RSPH14: variants seen among roughly 807,000 people sequenced by gnomAD.
RSPH14 encodes radial spoke head 14 homolog.
A neutral mutation model predicts 26.7 loss-of-function variants in RSPH14; 20 were observed. The ratio of observed to expected loss-of-function variants is 0.75; its 90% CI spans 0.53 to 1.09. The LOEUF (loss-of-function observed/expected upper bound fraction) is 1.09, where lower values mean the gene tolerates loss of function less well. RSPH14 is among the 50% of genes least tolerant of loss of function. The pLI is 0.00. For synonymous variants in RSPH14, 177 were observed against 189.3 expected, an observed-to-expected ratio of 0.93 and a Z score of 0.53; for missense variants, 449 against 457.2, an observed-to-expected ratio of 0.98 and a Z score of 0.16.
intron 4 of RSPH14, among the ~76,000 whole-genome samples, chr22:23,125,868 C>A (rs1426232097): frequency 6.6e-6 from 1 of 152,086 alleles, no homozygotes; most frequent in Non-Finnish European, 1.5e-5. Flanking sequence ...GCAGCCTCCT[C>A]CTCAAAGCAG....
intron 4 of RSPH14, among the ~76,000 whole-genome samples, chr22:23,091,977 C>A (rs772954733): frequency 6.6e-6 from 1 of 152,196 alleles, no homozygotes; most frequent in South Asian, 2.1e-4. Context: ...GGCCTTACAG[C>A]ATGTTCCTCC....
intron 2 of RSPH14, among the ~76,000 whole-genome samples, chr22:23,139,948 T>C (rs1341407478): frequency 3.3e-5 from 5 of 152,194 alleles, no homozygotes; most frequent in Non-Finnish European, 7.4e-5. Context: ...GTAGTCCTAG[T>C]TACTCAGGAA....
At chr22:23,097,482 C>T (rs1225509656) in intron 4 of RSPH14, among the ~76,000 whole-genome samples, 4 of 152,212 alleles carry the variant, frequency 2.6e-5, no homozygotes, top group Non-Finnish European at 4.4e-5. Context: ...GCTGGGGAGG[C>T]GGGCTTGCCT....
chr22:23,061,728 C>A (rs994185071), intron 6 of RSPH14, 81 bp downstream of exon 6: 181 of 1,552,270 alleles, frequency 1.2e-4, no homozygotes, highest in Non-Finnish European at 1.5e-4. Flanking sequence ...GGGACGATAC[C>A]CAGCCCCTGA....
the RSPH14 span, among the ~76,000 whole-genome samples, chr22:23,165,918 G>A: frequency 5.6e-4 from 85 of 152,222 alleles, no homozygotes; most frequent in Admixed American, 1.8e-3. Flanking sequence ...AGGCCAAGGC[G>A]GGCGGATCAC....
chr22:23,175,277 C>T, the RSPH14 span, among the ~76,000 whole-genome samples: 2 of 152,000 alleles, frequency 1.3e-5, no homozygotes, highest in Non-Finnish European at 2.9e-5. Context: ...GGATTACAGG[C>T]GTCAGCCACG....
At chr22:23,135,264 G>A (rs1015403575) in intron 3 of RSPH14, among the ~76,000 whole-genome samples, 22 of 147,722 alleles carry the variant, frequency 1.5e-4, no homozygotes, top group Non-Finnish European at 2.2e-4. Context: ...ACTAGGTCAG[G>A]AGATCGAGAC....
rs374399254 is a variant in RSPH14 at position 23,064,033 on chromosome 22, T to G, written c.522A>C (p.Thr174=). 2.5e-6 allele frequency: 4 copies of G among 1,614,166 alleles called. No homozygotes were observed. The highest frequency in any genetic ancestry group is 3.3e-4 in the Middle Eastern group (2 of 6,062). The change falls in exon 5 of 7, where the codon ACA becomes ACC. Residue 174 remains threonine (T), a synonymous_variant. Coordinates refer to ENST00000216036, the MANE Select transcript of RSPH14 (RefSeq NM_014433.3). ...EEEFQEFILD[T]LVLCLQEDAT... ...CATCCTCCTGCAGGCAGAGGACCAG[T>G]GTGTCCAGGATGAACTCCTGGAACT...
the RSPH14 span, among the ~76,000 whole-genome samples, chr22:23,176,803 T>C: frequency 6.6e-6 from 1 of 152,134 alleles, no homozygotes; most frequent in Non-Finnish European, 1.5e-5. Context: ...CAACCTTCCA[T>C]GCAACAGACC....
intron 4 of RSPH14, 57 bp downstream of exon 4, chr22:23,133,969 G>A (rs1172195776): frequency 8.1e-7 from 1 of 1,231,068 alleles, no homozygotes; most frequent in South Asian, 1.2e-5. Flanking sequence ...GACCTGGAGA[G>A]GAGACCGACG....
chr22:23,082,173 T>C (rs986335614), intron 4 of RSPH14, among the ~76,000 whole-genome samples: 1 of 151,584 alleles, frequency 6.6e-6, no homozygotes, highest in Non-Finnish European at 1.5e-5. Context: ...TGTGTAATAA[T>C]GTCGGAATCT....
the RSPH14 span, among the ~76,000 whole-genome samples, chr22:23,160,271 C>T: frequency 0.8 from 121,055 of 152,138 alleles, 48,443 homozygotes; most frequent in East Asian, 0.99. Context: ...CCCTTCCTCC[C>T]TTATCAGAGT....
Position 23,071,116 on chromosome 22 carries a change from G to A in RSPH14, c.422-6983C>T, listed in dbSNP as rs2068359821. ...TCGGTCACTGCTCTTGCAGCGAGCA[G>A]GTTCCTCACAGGCATTTAGAGGAAG... On this transcript the variant is annotated intron_variant, in intron 4 of 6. Coordinates refer to ENST00000216036, the MANE Select transcript of RSPH14 (RefSeq NM_014433.3). This position sits in a 1 kb window ranked among gnomAD's most constrained non-coding sequence, Gnocchi z 4.1. 6.6e-6 allele frequency among the ~76,000 whole-genome samples: 1 copy of A among 152,234 alleles called. No homozygotes were observed. The highest frequency in any genetic ancestry group is 2.4e-5 in the African/African-American group (1 of 41,460).
chr22:23,077,960 C>G (rs547432592), intron 4 of RSPH14, among the ~76,000 whole-genome samples: 1 of 152,214 alleles, frequency 6.6e-6, no homozygotes, highest in South Asian at 2.1e-4. Flanking sequence ...GGGCTTGGCC[C>G]TCATGCCTCC....
the RSPH14 span, chr22:23,158,111 ACC>A: frequency 3.3e-4 from 526 of 1,596,186 alleles, 3 homozygotes; most frequent in African/African-American, 6.6e-3. Context: ...GGGCTCCCAG[ACC>A]CTGGCCAGTG....
chr22:23,130,059 A>AAAAGAAGG (rs2070279292), intron 4 of RSPH14, among the ~76,000 whole-genome samples: 1 of 131,148 alleles, frequency 7.6e-6, no homozygotes, highest in African/African-American at 3.2e-5. Context: ...AAGAGAAAGA[A>AAAAGAAGG]AAAGAAAGAA....
At chr22:23,130,949 T>C (rs985368645) in intron 4 of RSPH14, among the ~76,000 whole-genome samples, 3 of 152,254 alleles carry the variant, frequency 2.0e-5, no homozygotes, top group Non-Finnish European at 4.4e-5. Context: ...ACATTCTCCC[T>C]GGCCCAGCGA....
the RSPH14 span, among the ~76,000 whole-genome samples, chr22:23,165,873 A>T: frequency 6.6e-6 from 1 of 152,278 alleles, no homozygotes; most frequent in South Asian, 2.1e-4. Flanking sequence ...CAGGCTGGGC[A>T]CAGTGGCTCA....
intron 4 of RSPH14, among the ~76,000 whole-genome samples, chr22:23,128,356 G>C (rs1416677574): frequency 6.6e-6 from 1 of 152,204 alleles, no homozygotes; most frequent in Non-Finnish European, 1.5e-5. Context: ...CTCTCATCGG[G>C]CTGGGGAGCA....
Sources: gnomAD v4.1 joint callset for allele counts (sites outside exome capture counted in the v4.1 genomes callset) on GRCh38, gnomAD v4.1.1 for gene constraint, Gnocchi (gnomAD v3.1) non-coding constraint, MANE v1.5 for transcripts, NCBI Gene and HGNC (gene_info 2026-07-23, HGNC 2026-07-21) for gene names.